PLCB1: variants seen among roughly 807,000 people sequenced by gnomAD.
PLCB1 encodes phospholipase C beta 1, also known as 1-phosphatidylinositol 4,5-bisphosphate phosphodiesterase beta-1.
Under a neutral mutation model 161.8 loss-of-function variants are expected in PLCB1, and 46 were observed. The ratio of observed to expected loss-of-function variants is 0.28; its 90% CI spans 0.22 to 0.36. The LOEUF (loss-of-function observed/expected upper bound fraction) is 0.36, where lower values mean the gene tolerates loss of function less well. Ranked by LOEUF, PLCB1 falls within the 10% of genes least tolerant of loss-of-function variation. The probability of loss-of-function intolerance (pLI) is 1.00; values close to 1 mark genes in which losing one functional copy is unlikely to be tolerated. For missense variants in PLCB1, 1,016 were observed against 1,472.5 expected (o/e 0.69, Z 5.07); for synonymous variants, 517 against 503.7 (o/e 1.03, Z -0.35).
At chr20:8,396,302 T>C (rs1034428387) in intron 3 of PLCB1, among the ~76,000 whole-genome samples, 2 of 152,064 alleles carry the variant, frequency 1.3e-5, no homozygotes, top group Non-Finnish European at 2.9e-5. Context: ...ATTCAATCTG[T>C]GGTGGATCCA....
At chr20:8,610,190 G>T (rs889298164) in intron 3 of PLCB1, among the ~76,000 whole-genome samples, 1 of 152,112 alleles carries the variant, frequency 6.6e-6, no homozygotes, top group Non-Finnish European at 1.5e-5. Context: ...GTTTTTGCTT[G>T]TGAAAGTAAT....
intron 3 of PLCB1, among the ~76,000 whole-genome samples, chr20:8,502,043 T>G (rs1305721952): frequency 6.6e-6 from 1 of 151,594 alleles, no homozygotes; most frequent in Admixed American, 6.6e-5. Context: ...AATTTATGGT[T>G]AATAGCTTCA....
At chr20:8,186,559 TGA>T (rs2051908596) in intron 2 of PLCB1, among the ~76,000 whole-genome samples, 1 of 152,226 alleles carries the variant, frequency 6.6e-6, no homozygotes, top group Non-Finnish European at 1.5e-5. Flanking sequence ...CAAATCTCTG[TGA>T]GTTTGCCCCC....
intron 2 of PLCB1, among the ~76,000 whole-genome samples, chr20:8,344,633 G>A (rs1190479431): frequency 4.6e-5 from 7 of 152,014 alleles, no homozygotes; most frequent in South Asian, 2.1e-4. Flanking sequence ...AAAAAGTCAC[G>A]TCCCCTGTAG....
At chr20:8,647,978 T>G in intron 6 of PLCB1, 25 bp downstream of exon 6, 1 of 1,485,370 alleles carries the variant, frequency 6.7e-7, no homozygotes, top group Non-Finnish European at 9.1e-7. Context: ...CATTTCTCAT[T>G]ATTCATTTTA....
At chr20:8,596,115 A>C (rs1455204816) in intron 3 of PLCB1, among the ~76,000 whole-genome samples, 9 of 151,566 alleles carry the variant, frequency 5.9e-5, no homozygotes, top group African/African-American at 1.9e-4. Flanking sequence ...ATTAGATCCC[A>C]TTTGTCAATT....
chr20:8,408,918 C>A (rs1345400166), intron 3 of PLCB1, among the ~76,000 whole-genome samples: 1 of 152,098 alleles, frequency 6.6e-6, no homozygotes, highest in Non-Finnish European at 1.5e-5. Flanking sequence ...GTAATCTTAT[C>A]AAGGTCTATT....
chr20:8,491,442 C>T (rs1319448059), intron 3 of PLCB1, among the ~76,000 whole-genome samples: 2 of 152,096 alleles, frequency 1.3e-5, no homozygotes, highest in African/African-American at 4.8e-5. Flanking sequence ...TTCAAGGACT[C>T]TAATGACTTT....
At chr20:8,526,606 A>G (rs563637677) in intron 3 of PLCB1, among the ~76,000 whole-genome samples, 10 of 152,226 alleles carry the variant, frequency 6.6e-5, no homozygotes, top group African/African-American at 2.4e-4. Context: ...ATGGTAAAAT[A>G]TTTAGCGTAA....
At chr20:8,622,933 A>G (rs1002532158) in intron 3 of PLCB1, among the ~76,000 whole-genome samples, 3 of 111,442 alleles carry the variant, frequency 2.7e-5, no homozygotes, top group African/African-American at 1.0e-4. Context: ...AGGTAATAGC[A>G]GCATTTTCCC....
chr20:8,350,277 T>C (rs971757916), intron 2 of PLCB1, among the ~76,000 whole-genome samples: 1 of 152,104 alleles, frequency 6.6e-6, no homozygotes, highest in Non-Finnish European at 1.5e-5. Flanking sequence ...AGTGTGGTGT[T>C]TGCCCCACAG....
intron 3 of PLCB1, among the ~76,000 whole-genome samples, chr20:8,443,200 T>A (rs1472353172): frequency 6.6e-6 from 1 of 152,132 alleles, no homozygotes; most frequent in African/African-American, 2.4e-5. Flanking sequence ...CAGACTGGTC[T>A]TGAACTCCTG....
At chr20:8,431,749 C>T (rs1020055668) in intron 3 of PLCB1, among the ~76,000 whole-genome samples, 28 of 152,034 alleles carry the variant, frequency 1.8e-4, no homozygotes, top group African/African-American at 2.9e-4. Context: ...GCAAAAATTA[C>T]GCTGGGGTCT....
intron 2 of PLCB1, among the ~76,000 whole-genome samples, chr20:8,283,291 G>C (rs1439401567): frequency 6.6e-6 from 1 of 152,104 alleles, no homozygotes. Context: ...TATTGGGAGA[G>C]AGCTAGCAAT....
chr20:8,381,985 C>A (rs929890988), intron 3 of PLCB1, among the ~76,000 whole-genome samples: 3 of 151,982 alleles, frequency 2.0e-5, no homozygotes, highest in Non-Finnish European at 2.9e-5. Flanking sequence ...TATGTCTTGT[C>A]TTCTGCTAGC....
Position 8,132,545 on chromosome 20 carries a change from G to T in PLCB1, c.-107G>T. Reference sequence around the variant, plus strand: ...AGGCCGGCGGGGAGCAGAGTCGAGCGCCTCCGGAGCAGAGAAAGGAGCCCG... The same window carrying T: ...AGGCCGGCGGGGAGCAGAGTCGAGCTCCTCCGGAGCAGAGAAAGGAGCCCG... On this transcript the variant is annotated 5_prime_UTR_variant, in exon 1 of 32. Coordinates refer to ENST00000338037, the MANE Select transcript of PLCB1 (RefSeq NM_015192.4). The surrounding 1 kb of genome is among the most constrained non-coding windows in gnomAD (Gnocchi z 5.2). 2 of 598,698 alleles carry T rather than the reference G, an allele frequency of 3.3e-6. No individual in the cohort carries two copies. Among genetic ancestry groups the T allele is most frequent in the Non-Finnish European group, 2.7e-6 (1 of 376,782 alleles). The allele number at this position is 598,698 out of a possible 1,614,324, so 37.1% of individuals were successfully genotyped here.
intron 3 of PLCB1, among the ~76,000 whole-genome samples, chr20:8,399,809 A>G (rs1045690165): frequency 6.6e-6 from 1 of 152,114 alleles, no homozygotes; most frequent in Non-Finnish European, 1.5e-5. Context: ...ACAATTAGCA[A>G]TATCTTGTAG....
At chr20:8,718,154 A>T (rs982914722) in intron 14 of PLCB1, among the ~76,000 whole-genome samples, 14 of 152,188 alleles carry the variant, frequency 9.2e-5, no homozygotes, top group African/African-American at 3.1e-4. Context: ...TAGGAGGCAG[A>T]TGTTGCAGTA....
intron 3 of PLCB1, among the ~76,000 whole-genome samples, chr20:8,375,005 A>T (rs887396827): frequency 2.0e-5 from 3 of 152,206 alleles, no homozygotes; most frequent in African/African-American, 4.8e-5. Flanking sequence ...AAAAGCTTCC[A>T]TGTGTTACCC....
Sources: gnomAD v4.1 joint callset for allele counts (sites outside exome capture counted in the v4.1 genomes callset) on GRCh38, gnomAD v4.1.1 for gene constraint, Gnocchi (gnomAD v3.1) non-coding constraint, MANE v1.5 for transcripts, NCBI Gene and HGNC (gene_info 2026-07-23, HGNC 2026-07-21) for gene names.